SPATS1: variants seen among roughly 807,000 people sequenced by gnomAD.
The protein encoded by SPATS1 is spermatogenesis associated serine rich 1.
Under a neutral mutation model 33.6 loss-of-function variants are expected in SPATS1, and 23 were observed. The ratio of observed to expected loss-of-function variants is 0.68; its 90% CI spans 0.49 to 0.97. The LOEUF (loss-of-function observed/expected upper bound fraction) is 0.97, where lower values mean the gene tolerates loss of function less well. Ranked by LOEUF, SPATS1 falls within the 50% of genes least tolerant of loss-of-function variation. The pLI, the probability that SPATS1 is intolerant of heterozygous loss-of-function variation, is 0.00. For synonymous variants in SPATS1, 131 were observed against 125.6 expected, an observed-to-expected ratio of 1.04 and a Z score of -0.29; for missense variants, 327 against 361.0, an observed-to-expected ratio of 0.91 and a Z score of 0.76.
intron 5 of SPATS1, among the ~76,000 whole-genome samples, chr6:44,365,198 A>C (rs566844724): frequency 6.6e-6 from 1 of 152,322 alleles, no homozygotes; most frequent in South Asian, 2.1e-4. Context: ...ATCAATCAAA[A>C]TATCTTTAAA....
chr6:44,365,573 T>C (rs1789194829), intron 5 of SPATS1, among the ~76,000 whole-genome samples: 1 of 152,330 alleles, frequency 6.6e-6, no homozygotes, highest in South Asian at 2.1e-4. Flanking sequence ...AAGATTGCCA[T>C]AGAAGGGTAA....
chr6:44,345,305 C>T (rs1451155136), intron 2 of SPATS1, among the ~76,000 whole-genome samples: 1 of 152,106 alleles, frequency 6.6e-6, no homozygotes, highest in East Asian at 1.9e-4. Flanking sequence ...CAAGAGATTG[C>T]TCTTCCCATC....
In SPATS1 at chr6:44,376,445, G is replaced by C. The variant is rs1173751805; in HGVS notation, c.846G>C (p.Val282=). The change falls in exon 8 of 9, where the codon GTG becomes GTC. Residue 282 remains valine (V), a synonymous_variant. Coordinates refer to ENST00000674044, the MANE Select transcript of SPATS1 (RefSeq NM_001372081.1). ...VEELDNWQPA[V]PLMHMLHLSG... ...AGCTTGACAACTGGCAGCCAGCAGT[G>C]CCCTTAATGCACATGCTACACCTTT... The C allele has an allele frequency of 6.2e-7, 1 of 1,610,966 alleles. No homozygotes were observed. The highest frequency in any genetic ancestry group is 1.1e-5 in the South Asian group (1 of 89,952).
Position 44,353,992 on chromosome 6 carries a change from C to T in SPATS1, c.287+1119C>T, listed in dbSNP as rs531484097. On this transcript the variant is annotated intron_variant, in intron 3 of 8. Coordinates refer to ENST00000674044, the MANE Select transcript of SPATS1 (RefSeq NM_001372081.1). ...GGCGGAGCTTGCAGTGAGCCGAGAT[C>T]GCGCCACTGCACTCCAGCCTGGGCG... Among the ~76,000 whole-genome samples, 46 of 148,026 alleles carry T rather than the reference C, an allele frequency of 3.1e-4. No individual in the cohort carries two copies. In the South Asian group the frequency reaches 5.3e-3, roughly 17 times the overall value.
At chr6:44,371,093 A>G (rs1386464924) in intron 7 of SPATS1, among the ~76,000 whole-genome samples, 1 of 151,202 alleles carries the variant, frequency 6.6e-6, no homozygotes, top group African/African-American at 2.4e-5. Flanking sequence ...CAAGAGATTG[A>G]GACCAGCATG....
rs989869883 is a variant in SPATS1, at chr6:44,368,582, A to AGGGAT, written c.695+84_695+88dup. On this transcript the variant is annotated intron_variant, in intron 6 of 8. Coordinates refer to ENST00000674044, the MANE Select transcript of SPATS1 (RefSeq NM_001372081.1). ...TACTACACAGAAATTATATTTTAAA[A>AGGGAT]GGGATAGATGTCAACAAGATGTGAT... is the stretch of plus-strand genomic sequence containing the variant. 1.1e-4 allele frequency: 147 copies of AGGGAT among 1,332,298 alleles called. No individual in the cohort carries two copies. The African/African-American group carries it at 2.0e-3, about 18-fold the overall frequency. The allele number at this position is 1,332,298 out of a possible 1,614,324, so 82.5% of individuals were successfully genotyped here.
chr6:44,345,172 G>A (rs1787799476), intron 2 of SPATS1, among the ~76,000 whole-genome samples: 1 of 152,096 alleles, frequency 6.6e-6, no homozygotes, highest in South Asian at 2.1e-4. Context: ...TTTACCAGGG[G>A]AGGGGCGGGG....
intron 2 of SPATS1, among the ~76,000 whole-genome samples, chr6:44,346,622 A>G (rs937087823): frequency 6.6e-6 from 1 of 152,210 alleles, no homozygotes; most frequent in Admixed American, 6.5e-5. Context: ...AGCTTCAAGC[A>G]GTCTACCTGC....
At chr6:44,362,683 T>A (rs1281570411) in intron 5 of SPATS1, among the ~76,000 whole-genome samples, 1 of 152,248 alleles carries the variant, frequency 6.6e-6, no homozygotes, top group African/African-American at 2.4e-5. Flanking sequence ...GTTCTCATTT[T>A]TGAGTTTTAA....
At chr6:44,366,552 G>A (rs1789260998) in intron 5 of SPATS1, among the ~76,000 whole-genome samples, 1 of 152,190 alleles carries the variant, frequency 6.6e-6, no homozygotes, top group South Asian at 2.1e-4. Flanking sequence ...GTTAAAGGCT[G>A]CATTTTAAAC....
intron 3 of SPATS1, among the ~76,000 whole-genome samples, chr6:44,358,416 A>G (rs1326332865): frequency 6.6e-6 from 1 of 152,186 alleles, no homozygotes; most frequent in Non-Finnish European, 1.5e-5. Context: ...CGCTAAACAT[A>G]ATGCTCTATT....
At chr6:44,371,547 A>C (rs941907546) in intron 7 of SPATS1, among the ~76,000 whole-genome samples, 2 of 152,132 alleles carry the variant, frequency 1.3e-5, no homozygotes, top group Non-Finnish European at 2.9e-5. Context: ...GTGATTATGT[A>C]TTTCGATCTT....
chr6:44,376,229 T>C (rs962351528), intron 7 of SPATS1, 129 bp from the exon 8 acceptor site: 19 of 608,878 alleles, frequency 3.1e-5, no homozygotes, highest in Non-Finnish European at 5.5e-5. Context: ...AACTAACATA[T>C]TTTATTTTGA....
At chr6:44,366,111 C>CTA (rs34751837) in intron 5 of SPATS1, among the ~76,000 whole-genome samples, 206 of 136,992 alleles carry the variant, frequency 1.5e-3, no homozygotes, top group African/African-American at 2.5e-3. Flanking sequence ...TTACCATAGT[C>CTA]TATATATATA....
At chr6:44,347,658 G>A (rs567623305) in intron 2 of SPATS1, among the ~76,000 whole-genome samples, 6 of 152,070 alleles carry the variant, frequency 3.9e-5, no homozygotes, top group South Asian at 4.2e-4. Flanking sequence ...TTTCCAGTTT[G>A]GGATAAGAAA....
In SPATS1 at chr6:44,357,829, A is replaced by T. The variant is rs138901092; in HGVS notation, c.288-2617A>T. On this transcript the variant is annotated intron_variant, in intron 3 of 8. Transcript: ENST00000674044. ...TATCTCCACTTCTTGATAGTGATTG[A>T]TTTAAGGGAGAACGTGTGATCTGAG... Among the ~76,000 whole-genome samples the T allele has an allele frequency of 2.6e-3, 396 of 152,304 alleles. 4 individuals carry two copies. The highest frequency in any genetic ancestry group is 8.4e-3 in the African/African-American group (349 of 41,566).
chr6:44,376,128 C>A (rs981334489), intron 7 of SPATS1, among the ~76,000 whole-genome samples: 2 of 151,908 alleles, frequency 1.3e-5, no homozygotes, highest in Non-Finnish European at 2.9e-5. Flanking sequence ...TGTGGAAGCA[C>A]AGAGGAGCCC....
intron 2 of SPATS1, among the ~76,000 whole-genome samples, chr6:44,352,331 G>T (rs1243778911): frequency 6.6e-6 from 1 of 152,080 alleles, no homozygotes; most frequent in Non-Finnish European, 1.5e-5. Context: ...GTTTCACCAT[G>T]TTGGCCAGGT....
At chr6:44,368,527 A>G (rs750808011) in intron 6 of SPATS1, 28 bp downstream of exon 6, 5 of 1,592,212 alleles carry the variant, frequency 3.1e-6, no homozygotes, top group Middle Eastern at 1.7e-4. Context: ...CTAGCATTAT[A>G]TAGTTAACTT....
Sources: allele counts gnomAD v4.1 joint callset (sites outside exome capture counted in the v4.1 genomes callset), GRCh38; gene constraint gnomAD v4.1.1; transcripts MANE v1.5; gene names NCBI Gene and HGNC (gene_info 2026-07-23, HGNC 2026-07-21).